ADAM17: variants seen among roughly 807,000 people sequenced by gnomAD.
ADAM17 encodes the protein ADAM metallopeptidase domain 17.
ADAM17 carries 39 observed loss-of-function variants against 96.7 expected under a neutral mutation model. That is an observed-to-expected ratio of 0.40 (90% CI 0.31 to 0.53). ADAM17 has a LOEUF of 0.53. ADAM17 is among the 20% of genes least tolerant of loss of function. The pLI, the probability that ADAM17 is intolerant of heterozygous loss-of-function variation, is 0.44. For missense variants in ADAM17, 777 were observed against 1,013.2 expected, an observed-to-expected ratio of 0.77 and a Z score of 3.17; for synonymous variants, 344 against 359.2, an observed-to-expected ratio of 0.96 and a Z score of 0.48.
intron 1 of ADAM17, among the ~76,000 whole-genome samples, chr2:9,550,848 A>C (rs1665566545): frequency 6.8e-6 from 1 of 147,566 alleles, no homozygotes; most frequent in Non-Finnish European, 1.5e-5. Context: ...ACCAGAGGTC[A>C]GGAGTTCAAC....
Position 9,535,925 on chromosome 2 carries a change from T to C in ADAM17, c.362-3A>G, listed in dbSNP as rs764364634. The C allele has an allele frequency of 6.5e-7, 1 of 1,526,722 alleles. No individual in the cohort carries two copies. The highest frequency in any genetic ancestry group is 1.3e-5 in the South Asian group (1 of 75,644). 94.6% of individuals were successfully genotyped at this position (1,526,722 alleles called of 1,614,324 possible). ...TAGAACCCTAGAGTCAGGCTCACCT[T>C]AAGAGAAAAAAAAAATTATTATTTA... is the stretch of plus-strand genomic sequence containing the variant. On this transcript the variant is annotated splice_polypyrimidine_tract_variant and splice_region_variant and intron_variant, in intron 3 of 18. Coordinates refer to ENST00000310823, the MANE Select transcript of ADAM17 (RefSeq NM_003183.6).
At chr2:9,491,865 C>T (rs1273114451) in intron 17 of ADAM17, among the ~76,000 whole-genome samples, 2 of 152,236 alleles carry the variant, frequency 1.3e-5, no homozygotes, top group African/African-American at 4.8e-5. Flanking sequence ...AGGGTCGTGC[C>T]TTGTCCACAT....
chr2:9,513,341 T>C (rs1386574667), intron 10 of ADAM17, among the ~76,000 whole-genome samples: 2 of 152,166 alleles, frequency 1.3e-5, no homozygotes, highest in African/African-American at 4.8e-5. Flanking sequence ...ATAAACTAAG[T>C]TAAGCTTTTC....
At chr2:9,508,206 G>T (rs1325915022) in intron 11 of ADAM17, among the ~76,000 whole-genome samples, 1 of 152,162 alleles carries the variant, frequency 6.6e-6, no homozygotes, top group Non-Finnish European at 1.5e-5. Context: ...CCAACCATAT[G>T]TGGCTACTTA....
intron 13 of ADAM17, among the ~76,000 whole-genome samples, chr2:9,500,726 A>T (rs1662948475): frequency 6.6e-6 from 1 of 152,212 alleles, no homozygotes; most frequent in East Asian, 1.9e-4. Flanking sequence ...CGCAAGGGTA[A>T]AAAAGGAACA....
At position 9,502,396 on chromosome 2, in the gene ADAM17, A is replaced by G. The variant is rs533047735; in HGVS notation, c.1545-120T>C. 98 of 760,288 alleles carry G rather than the reference A, an allele frequency of 1.3e-4. No homozygotes were observed. In the South Asian group the frequency reaches 1.5e-3, roughly 12 times the overall value. The allele number at this position is 760,288 out of a possible 1,614,324, so 47.1% of individuals were successfully genotyped here. ...CCGGGGAAGACCTCCTGGCTCCGTCACCCACTCCTACATCATCAGACATCT... is the reference window on the plus strand; with the variant it reads ...CCGGGGAAGACCTCCTGGCTCCGTCGCCCACTCCTACATCATCAGACATCT... On this transcript the variant is annotated intron_variant, in intron 12 of 18. Transcript: ENST00000310823.
chr2:9,495,555 A>G (rs1240277925), intron 14 of ADAM17, among the ~76,000 whole-genome samples: 1 of 152,112 alleles, frequency 6.6e-6, no homozygotes, highest in African/African-American at 2.4e-5. Context: ...TCTACTAAAA[A>G]TAAAAAAAAT....
chr2:9,528,948 A>T (rs1292585977), intron 4 of ADAM17, among the ~76,000 whole-genome samples: 1 of 152,254 alleles, frequency 6.6e-6, no homozygotes, highest in East Asian at 1.9e-4. Context: ...TGCTCCTAGT[A>T]TATAACCAAG....
intron 7 of ADAM17, chr2:9,522,562 T>C (rs1006095867): frequency 9.0e-5 from 42 of 468,030 alleles, no homozygotes; most frequent in Non-Finnish European, 1.4e-4. Context: ...AAAAATTTTT[T>C]CAACCTCTAA....
chr2:9,538,106 C>A (rs1264918863), intron 2 of ADAM17, among the ~76,000 whole-genome samples: 1 of 151,888 alleles, frequency 6.6e-6, no homozygotes, highest in Non-Finnish European at 1.5e-5. Context: ...GCTTACTATT[C>A]TTTTTGTTTT....
At chr2:9,536,959 C>A in intron 2 of ADAM17, 131 bp from the exon 3 acceptor site, 1 of 1,057,544 alleles carries the variant, frequency 9.5e-7, no homozygotes, top group Non-Finnish European at 1.3e-6. Context: ...CAACTAAAGT[C>A]TTATTAGGTA....
intron 18 of ADAM17, among the ~76,000 whole-genome samples, chr2:9,490,869 T>C (rs140991339): frequency 6.6e-6 from 1 of 152,156 alleles, no homozygotes; most frequent in South Asian, 2.1e-4. Flanking sequence ...GCTAAATCAC[T>C]CCTTATGGCT....
intron 2 of ADAM17, among the ~76,000 whole-genome samples, chr2:9,539,069 T>C (rs1665098803): frequency 1.3e-5 from 2 of 152,206 alleles, no homozygotes; most frequent in Admixed American, 1.3e-4. Context: ...CAGTATATAC[T>C]CCGCAGCTTT....
intron 16 of ADAM17, 24 bp from the exon 17 acceptor site, chr2:9,493,010 A>C (rs929033186): frequency 4.4e-6 from 7 of 1,573,598 alleles, no homozygotes; most frequent in Non-Finnish European, 6.1e-6. Flanking sequence ...CAAACAGTTA[A>C]TGTCTTGACC....
chr2:9,495,767 G>A (rs1662539902), intron 14 of ADAM17, among the ~76,000 whole-genome samples: 1 of 151,064 alleles, frequency 6.6e-6, no homozygotes, highest in African/African-American at 2.4e-5. Flanking sequence ...ATATTTCTTG[G>A]ACTTTTACTG....
At chr2:9,531,334 G>A (rs1254099208) in intron 4 of ADAM17, among the ~76,000 whole-genome samples, 5 of 151,420 alleles carry the variant, frequency 3.3e-5, no homozygotes, top group African/African-American at 7.3e-5. Flanking sequence ...TTGGGAGGCC[G>A]AGGTGGGCAG....
chr2:9,502,157 C>A lies in ADAM17; in HGVS notation c.1648+16G>T. Reference sequence around the variant, plus strand: ...CTTGACCCACAGCATTCCAAGGAAGCAACAAGAACACGAACCTGTGCAGTA... The same window carrying A: ...CTTGACCCACAGCATTCCAAGGAAGAAACAAGAACACGAACCTGTGCAGTA... On this transcript the variant is annotated intron_variant, in intron 13 of 18. Coordinates refer to ENST00000310823, the MANE Select transcript of ADAM17 (RefSeq NM_003183.6). The A allele has an allele frequency of 6.2e-7, 1 of 1,607,186 alleles. No homozygotes were observed. Among genetic ancestry groups the A allele is most frequent in the Non-Finnish European group, 8.5e-7 (1 of 1,174,204 alleles).
intron 4 of ADAM17, among the ~76,000 whole-genome samples, chr2:9,529,608 C>G (rs780775522): frequency 2.0e-5 from 3 of 152,108 alleles, no homozygotes; most frequent in Non-Finnish European, 2.9e-5. Flanking sequence ...CTAAAGGATA[C>G]AGCGTTTCTT....
intron 4 of ADAM17, among the ~76,000 whole-genome samples, chr2:9,532,231 A>AT (rs941026876): frequency 1.3e-4 from 20 of 152,156 alleles, no homozygotes; most frequent in African/African-American, 4.6e-4. Flanking sequence ...GTAAAGAATT[A>AT]TTTTTTTTCA....
Sources: allele counts gnomAD v4.1 joint callset (sites outside exome capture counted in the v4.1 genomes callset), GRCh38; gene constraint gnomAD v4.1.1; transcripts MANE v1.5; gene names NCBI Gene and HGNC (gene_info 2026-07-23, HGNC 2026-07-21).